MARCHF1: variants seen among roughly 807,000 people sequenced by gnomAD.
MARCHF1 encodes the protein membrane associated ring-CH-type finger 1.
In MARCHF1, 40 loss-of-function variants were observed where a neutral mutation model predicts 54.2. The ratio of observed to expected loss-of-function variants is 0.74; its 90% CI spans 0.57 to 0.96. The LOEUF (loss-of-function observed/expected upper bound fraction) is 0.96, where lower values mean the gene tolerates loss of function less well. MARCHF1 is among the 40% of genes least tolerant of loss of function. MARCHF1 has a pLI of 0.00. For synonymous variants in MARCHF1, 236 were observed against 236.3 expected (o/e 1.00, Z 0.01); for missense variants, 586 against 656.5 (o/e 0.89, Z 1.17).
chr4:164,027,161 C>T lies in MARCHF1; in HGVS notation c.-247-38452G>A, dbSNP rs72983640. ...TTGTTAAAATGGCCACCACACTGACCAAAGCAATTTACAGATTCAATGCAA... is the reference window on the plus strand; with the variant it reads ...TTGTTAAAATGGCCACCACACTGACTAAAGCAATTTACAGATTCAATGCAA... On this transcript the variant is annotated intron_variant, in intron 2 of 9. Coordinates refer to ENST00000514618, the MANE Select transcript of MARCHF1 (RefSeq NM_001394959.1). 6.8e-3 allele frequency among the ~76,000 whole-genome samples: 1,036 copies of T among 151,584 alleles called. 18 individuals carry two copies. Among genetic ancestry groups the T allele is most frequent in the African/African-American group, 0.024 (1,003 of 41,376 alleles).
intron 2 of MARCHF1, among the ~76,000 whole-genome samples, chr4:164,103,874 C>T (rs1284696479): frequency 7.1e-6 from 1 of 140,782 alleles, no homozygotes. Context: ...GCTAGCAAGA[C>T]TAATAAAGAA....
chr4:163,670,605 A>G (rs946488217), intron 5 of MARCHF1, among the ~76,000 whole-genome samples: 2 of 146,694 alleles, frequency 1.4e-5, no homozygotes, highest in South Asian at 2.2e-4. Flanking sequence ...CTCTCTCTAT[A>G]TATTTTTTGG....
chr4:163,845,222 C>T (rs1050488290), intron 4 of MARCHF1, among the ~76,000 whole-genome samples: 1 of 152,072 alleles, frequency 6.6e-6, no homozygotes, highest in African/African-American at 2.4e-5. Context: ...ATTTATTTCA[C>T]TTGTCTTTTA....
intron 1 of MARCHF1, among the ~76,000 whole-genome samples, chr4:164,230,926 A>G (rs547548977): frequency 9.1e-4 from 139 of 152,276 alleles, no homozygotes; most frequent in African/African-American, 2.8e-3. Flanking sequence ...GGATGTCAAA[A>G]TGTTCCTGTT....
chr4:163,597,112 C>T (rs191940511), intron 7 of MARCHF1, among the ~76,000 whole-genome samples: 13 of 152,256 alleles, frequency 8.5e-5, no homozygotes, highest in Admixed American at 7.8e-4. Flanking sequence ...TGTACTACCA[C>T]GCCCGACTAA....
At chr4:164,195,309 G>A (rs1335301148) in intron 1 of MARCHF1, among the ~76,000 whole-genome samples, 4 of 151,848 alleles carry the variant, frequency 2.6e-5, no homozygotes, top group African/African-American at 7.3e-5. Flanking sequence ...AATTTTACAC[G>A]TAAGATCTCA....
intron 1 of MARCHF1, among the ~76,000 whole-genome samples, chr4:164,300,932 A>G (rs1734540819): frequency 6.6e-6 from 1 of 152,184 alleles, no homozygotes; most frequent in Non-Finnish European, 1.5e-5. Flanking sequence ...ACTTAAACTG[A>G]TCATTACAGG....
At chr4:164,340,041 T>C (rs1729868542) in intron 1 of MARCHF1, among the ~76,000 whole-genome samples, 1 of 151,690 alleles carries the variant, frequency 6.6e-6, no homozygotes, top group Non-Finnish European at 1.5e-5. Flanking sequence ...CAATAATGAG[T>C]AAGGAGACTG....
intron 4 of MARCHF1, among the ~76,000 whole-genome samples, chr4:163,720,958 A>G (rs1745433587): frequency 1.3e-5 from 2 of 152,196 alleles, no homozygotes; most frequent in Non-Finnish European, 2.9e-5. Context: ...CAAATATACA[A>G]TCATGTCATC....
At chr4:163,744,697 G>A (rs1746306512) in intron 4 of MARCHF1, among the ~76,000 whole-genome samples, 1 of 152,118 alleles carries the variant, frequency 6.6e-6, no homozygotes, top group South Asian at 2.1e-4. Context: ...ACAAGAAAAT[G>A]TTACACCTTT....
At chr4:164,057,443 T>C (rs1754517604) in intron 2 of MARCHF1, among the ~76,000 whole-genome samples, 1 of 152,206 alleles carries the variant, frequency 6.6e-6, no homozygotes, top group African/African-American at 2.4e-5. Flanking sequence ...TTAGATTTTA[T>C]AATCTCCTTC....
rs184916620 is a variant in MARCHF1, at chr4:164,070,498, C to A, written c.-248+41090G>T. 2.0e-5 allele frequency among the ~76,000 whole-genome samples: 3 copies of A among 152,234 alleles called. No homozygotes were observed. In the East Asian group the frequency reaches 5.8e-4, roughly 29 times the overall value. On this transcript the variant is annotated intron_variant, in intron 2 of 9. Coordinates refer to ENST00000514618, the MANE Select transcript of MARCHF1 (RefSeq NM_001394959.1). Reference sequence around the variant, plus strand: ...GGGATGTGGGAAAAGATTCAATGTGCATTTTTTGTAGAGTGACTACATATT... The same window carrying A: ...GGGATGTGGGAAAAGATTCAATGTGAATTTTTTGTAGAGTGACTACATATT...
intron 1 of MARCHF1, among the ~76,000 whole-genome samples, chr4:164,238,830 C>G (rs1732643145): frequency 6.6e-6 from 1 of 151,912 alleles, no homozygotes. Context: ...CTCTTTTAAT[C>G]AGGTCATTTT....
chr4:163,808,113 C>T (rs780355166), intron 4 of MARCHF1, among the ~76,000 whole-genome samples: 2 of 152,184 alleles, frequency 1.3e-5, no homozygotes, highest in Non-Finnish European at 2.9e-5. Context: ...ATTACTTACA[C>T]GCAGATACTA....
chr4:163,793,816 C>T (rs901859822), intron 4 of MARCHF1, among the ~76,000 whole-genome samples: 1 of 152,180 alleles, frequency 6.6e-6, no homozygotes, highest in Non-Finnish European at 1.5e-5. Context: ...CCCCTGCTTG[C>T]TCAGTCGATC....
rs1392528920 is a variant in MARCHF1, at chr4:164,276,947, T to TATATATATATATAG, written c.-323+106922_-323+106923insCTATATATATATAT. On this transcript the variant is annotated intron_variant, in intron 1 of 9. Transcript: ENST00000514618. Reference sequence around the variant, plus strand: ...ATGTCTCATATTCTATATATATATATAGAGAGAGAGAGAGAGAGAGACAGA... The same window carrying TATATATATATATAG: ...ATGTCTCATATTCTATATATATATATATATATATATATAGAGAGAGAGAGAGAGAGAGAGACAGA... Among the ~76,000 whole-genome samples, 219 of 118,758 alleles carry TATATATATATATAG rather than the reference T, an allele frequency of 1.8e-3. 1 individual carries two copies. Among genetic ancestry groups the TATATATATATATAG allele is most frequent in the Middle Eastern group, 5.2e-3 (1 of 194 alleles). The allele number at this position is 118,758 out of a possible 152,430, so 77.9% of individuals were successfully genotyped here.
chr4:164,380,554 A>G (rs528774125), intron 1 of MARCHF1, among the ~76,000 whole-genome samples: 154 of 152,356 alleles, frequency 1.0e-3, no homozygotes, highest in South Asian at 4.8e-3. Context: ...AATTAATAGT[A>G]TCATAGGGGA....
chr4:164,074,670 A>C (rs1413066750), intron 2 of MARCHF1, among the ~76,000 whole-genome samples: 1 of 152,124 alleles, frequency 6.6e-6, no homozygotes, highest in African/African-American at 2.4e-5. Context: ...ATTTATAGAC[A>C]TGGAAAAATT....
At chr4:164,033,538 C>T (rs542270860) in intron 2 of MARCHF1, among the ~76,000 whole-genome samples, 1 of 152,228 alleles carries the variant, frequency 6.6e-6, no homozygotes, top group East Asian at 1.9e-4. Context: ...TGACAAAGGT[C>T]TAATATCCAG....
Sources: allele counts gnomAD v4.1 joint callset (sites outside exome capture counted in the v4.1 genomes callset), GRCh38; gene constraint gnomAD v4.1.1; transcripts MANE v1.5; gene names NCBI Gene and HGNC (gene_info 2026-07-23, HGNC 2026-07-21).